The following GDF1 variants were observed in gnomAD, a reference collection of about 807,000 sequenced individuals.
The protein encoded by GDF1 is growth differentiation factor 1, also known as embryonic growth/differentiation factor 1.
GDF1 carries 8 observed loss-of-function variants against 7.4 expected under a neutral mutation model. That is an observed-to-expected ratio of 1.09 (90% CI 0.64 to 1.96). The LOEUF (loss-of-function observed/expected upper bound fraction) is 1.96, where lower values mean the gene tolerates loss of function less well. GDF1 is among the 30% of genes most tolerant of loss of function. GDF1 has a pLI of 0.00. For missense variants in GDF1, 574 were observed against 551.5 expected (o/e 1.04, Z -0.41); for synonymous variants, 311 against 276.7 (o/e 1.12, Z -1.23).
Position 18,868,924 on chromosome 19 carries a change from C to G in GDF1, c.792G>C (p.Gly264=). ...ACAGCCGCCGCGCGCGACAAGCGCC[C>G]CCGGGGCCGCCGCCCAACACGGGTT... The part of the protein sequence containing the change: ...DAEPVLGGGP[G]GACRARRLYV... The change falls in exon 8 of 8, where the codon GGG becomes GGC. Residue 264 remains glycine, a synonymous_variant. Transcript: ENST00000247005. 7.5e-7 allele frequency: 1 copy of G among 1,334,162 alleles called. No individual in the cohort carries two copies. The highest frequency in any genetic ancestry group is 9.7e-7 in the Non-Finnish European group (1 of 1,033,290). 82.6% of individuals were successfully genotyped at this position (1,334,162 alleles called of 1,614,324 possible). A position where few individuals can be genotyped will look rare whatever the true frequency, so the allele number is the denominator to read the frequency against.
rs1304123833 is a variant in GDF1 at position 18,896,138 on chromosome 19, C to T, written c.-1388G>A. 6 of 622,244 alleles carry T rather than the reference C, an allele frequency of 9.6e-6. No individual in the cohort carries two copies. The highest frequency in any genetic ancestry group is 1.4e-4 in the South Asian group (2 of 14,304). The allele number at this position is 622,244 out of a possible 1,614,324, so 38.5% of individuals were successfully genotyped here. On this transcript the variant is annotated 5_prime_UTR_variant, in exon 1 of 8. Transcript: ENST00000247005. The surrounding 1 kb of genome is among the most constrained non-coding windows in gnomAD (Gnocchi z 5.9). Reference sequence around the variant, plus strand: ...CGCGGTAGCCGACGGAGCCGCGCGCCCCGCGTCACGCGCCGCAGCTGGGCC... The same window carrying T: ...CGCGGTAGCCGACGGAGCCGCGCGCTCCGCGTCACGCGCCGCAGCTGGGCC...
At position 18,869,136 on chromosome 19, in the gene GDF1, C is replaced by T; in HGVS notation, c.580G>A (p.Val194Met). The T allele has an allele frequency of 9.0e-7, 1 of 1,105,786 alleles. No individual in the cohort carries two copies. 68.5% of individuals were successfully genotyped at this position (1,105,786 alleles called of 1,614,324 possible). The change falls in exon 8 of 8, where the codon GTG becomes ATG. Residue 194 changes from valine to methionine, a missense_variant. By Grantham distance (21) the Val-to-Met change is conservative (BLOSUM62 1). Coordinates refer to ENST00000247005, the MANE Select transcript of GDF1 (RefSeq NM_001492.6). ...GCGGCGCCCAGCAGCTCCGCGCGCA[C>T]TGGCGGCCCCAGGGCGGGCACCAAC... ...RQLVPALGPP[V>M]RAELLGAAWA...
At chr19:18,879,915 C>G (rs1202962074) in intron 4 of GDF1, among the ~76,000 whole-genome samples, 1 of 151,638 alleles carries the variant, frequency 6.6e-6, no homozygotes, top group Admixed American at 6.6e-5. Flanking sequence ...AGCCCTACCC[C>G]AACCCTGCTT....
intron 2 of GDF1, among the ~76,000 whole-genome samples, chr19:18,885,697 T>C (rs2056338853): frequency 6.6e-6 from 1 of 150,656 alleles, no homozygotes; most frequent in African/African-American, 2.5e-5. Context: ...TTTTTTTTTT[T>C]TTCAGTAGAG....
Position 18,884,164 on chromosome 19 carries a change from G to C in GDF1, c.-810C>G, listed in dbSNP as rs1347831215. ...GCATGACCACCGAGTCCTTGCGCCA[G>C]GTGTCCATGTATAGCGTAGCGTAGA... On this transcript the variant is annotated 5_prime_UTR_variant, in exon 3 of 8. Coordinates refer to ENST00000247005, the MANE Select transcript of GDF1 (RefSeq NM_001492.6). 2 of 1,613,632 alleles carry C rather than the reference G, an allele frequency of 1.2e-6. No individual in the cohort carries two copies. Among genetic ancestry groups the C allele is most frequent in the Non-Finnish European group, 1.7e-6 (2 of 1,179,848 alleles).
At chr19:18,874,694 G>A (rs113900691) in intron 6 of GDF1, among the ~76,000 whole-genome samples, 1 of 152,216 alleles carries the variant, frequency 6.6e-6, no homozygotes, top group African/African-American at 2.4e-5. Flanking sequence ...CGTCAGTGTA[G>A]GAGAGAAGGG....
chr19:18,887,730 G>A (rs1479385489), intron 2 of GDF1, among the ~76,000 whole-genome samples: 2 of 142,988 alleles, frequency 1.4e-5, no homozygotes, highest in Admixed American at 7.5e-5. Context: ...GGCAGCAAGA[G>A]TGAAACTCCA....
chr19:18,879,724 C>T (rs1385910194), intron 4 of GDF1, among the ~76,000 whole-genome samples: 5 of 149,538 alleles, frequency 3.3e-5, no homozygotes, highest in African/African-American at 1.2e-4. Context: ...CCAGTCCCTC[C>T]CCTTTCCTGC....
At chr19:18,876,458 C>T (rs1392839247) in intron 6 of GDF1, among the ~76,000 whole-genome samples, 2 of 152,172 alleles carry the variant, frequency 1.3e-5, no homozygotes, top group Admixed American at 6.6e-5. Context: ...CCTCCCACCT[C>T]AGCCTCCTGA....
At chr19:18,880,714 T>G (rs1253857382) in intron 3 of GDF1, among the ~76,000 whole-genome samples, 1 of 151,904 alleles carries the variant, frequency 6.6e-6, no homozygotes, top group Non-Finnish European at 1.5e-5. Context: ...TTATTTTTCT[T>G]TTGAGACAGG....
Position 18,869,102 on chromosome 19 carries a change from C to G in GDF1, c.614G>C (p.Arg205Pro), listed in dbSNP as rs2055910768. ...RAELLGAAWARNASWPRSLRL... is the reference protein window; with the variant it reads ...RAELLGAAWAPNASWPRSLRL... ...GAGGCTGCGCGGCCATGAGGCGTTG[C>G]GAGCCCAAGCGGCGCCCAGCAGCTC... is the stretch of plus-strand genomic sequence containing the variant. Residue 205 changes from arginine (R) to proline (P), a missense_variant, in exon 8 of 8, where the codon CGC (arginine) becomes CCC (proline). By Grantham distance (103) the Arg-to-Pro change is moderately radical. Coordinates refer to ENST00000247005, the MANE Select transcript of GDF1 (RefSeq NM_001492.6). The G allele has an allele frequency of 2.8e-6, 3 of 1,079,654 alleles. No individual in the cohort carries two copies. The highest frequency in any genetic ancestry group is 3.4e-6 in the Non-Finnish European group (3 of 889,954). The allele number at this position is 1,079,654 out of a possible 1,614,324, so 66.9% of individuals were successfully genotyped here.
chr19:18,893,318 G>T, intron 2 of GDF1, 98 bp downstream of exon 2: 1 of 1,374,174 alleles, frequency 7.3e-7, no homozygotes, highest in Non-Finnish European at 9.8e-7. Flanking sequence ...GGGCTCCAGT[G>T]ATCCTCCTGC....
Position 18,878,236 on chromosome 19 carries a change from A to T in GDF1, c.-313+694T>A. 7.1e-6 allele frequency: 7 copies of T among 985,402 alleles called. No homozygotes were observed. The highest frequency in any genetic ancestry group is 8.4e-6 in the Non-Finnish European group (7 of 830,106). 61.0% of individuals were successfully genotyped at this position (985,402 alleles called of 1,614,324 possible). A position where few individuals can be genotyped will look rare whatever the true frequency, so the allele number is the denominator to read the frequency against. ...ACACTCCTCACGTTGCCTATGAGAC[A>T]CTGCACACCCGACTCTGCTTGTTAC... On this transcript the variant is annotated intron_variant, in intron 6 of 7. Transcript: ENST00000247005. The surrounding 1 kb of genome is among the most constrained non-coding windows in gnomAD (Gnocchi z 4.6).
In GDF1 at chr19:18,884,355, G is replaced by A. The variant is rs2056296641; in HGVS notation, c.-913-88C>T. The A allele has an allele frequency of 1.0e-5, 13 of 1,265,886 alleles. No individual in the cohort carries two copies. In the East Asian group the frequency reaches 1.3e-4, roughly 12 times the overall value. The allele number at this position is 1,265,886 out of a possible 1,614,324, so 78.4% of individuals were successfully genotyped here. A position where few individuals can be genotyped will look rare whatever the true frequency, so the allele number is the denominator to read the frequency against. ...CCCGGTGACACCCTCCAAGCCACAC[G>A]TGTCCTCCCAGTACCCAGGTAACCA... On this transcript the variant is annotated intron_variant, in intron 2 of 7. Transcript: ENST00000247005.
Position 18,868,940 on chromosome 19 carries a change from A to T in GDF1, c.776T>A (p.Leu259Ter). ...ACAAGCGCCCCCGGGGCCGCCGCCC[A>T]ACACGGGTTCGGCGTCGCGCCGCGG... ...ARPRRDAEPV[L>*]GGGPGGACRA... is the part of the protein sequence containing the mutation. Residue 259 changes from leucine to a stop codon, truncating the protein, a stop_gained, in exon 8 of 8, where the codon TTG becomes TAG. Coordinates refer to ENST00000247005, the MANE Select transcript of GDF1 (RefSeq NM_001492.6). LOFTEE classifies it low-confidence loss of function (END_TRUNC). The T allele has an allele frequency of 2.4e-6, 3 of 1,275,714 alleles. No individual in the cohort carries two copies. Among genetic ancestry groups the T allele is most frequent in the Non-Finnish European group, 3.0e-6 (3 of 1,005,070 alleles). The allele number at this position is 1,275,714 out of a possible 1,614,324, so 79.0% of individuals were successfully genotyped here.
In GDF1 at chr19:18,870,489, T is replaced by G; in HGVS notation, c.-182A>C. 1.7e-5 allele frequency: 1 copy of G among 57,664 alleles called. No homozygotes were observed. Among genetic ancestry groups the G allele is most frequent in the Non-Finnish European group, 3.6e-5 (1 of 27,872 alleles). The allele number at this position is 57,664 out of a possible 1,614,324, so 3.6% of individuals were successfully genotyped here. On this transcript the variant is annotated 5_prime_UTR_variant, in exon 7 of 8. Coordinates refer to ENST00000247005, the MANE Select transcript of GDF1 (RefSeq NM_001492.6). This position sits in a 1 kb window ranked among gnomAD's most constrained non-coding sequence, Gnocchi z 5.1. ...GGCGGCGGCCCTAGAGGAGCAGAGT[T>G]GGAGGGGGTGGAGGGGCGGCCAAGG... is the stretch of plus-strand genomic sequence containing the variant.
intron 3 of GDF1, among the ~76,000 whole-genome samples, chr19:18,881,266 C>T (rs1018428480): frequency 2.0e-5 from 3 of 149,924 alleles, no homozygotes; most frequent in African/African-American, 7.4e-5. Flanking sequence ...GTTGCCCAGG[C>T]TGGAGCGCAA....
In GDF1 at chr19:18,895,365, C is replaced by T. The variant is rs2146082065; in HGVS notation, c.-1074+459G>A. 6.6e-6 allele frequency among the ~76,000 whole-genome samples: 1 copy of T among 152,310 alleles called. No homozygotes were observed. Among genetic ancestry groups the T allele is most frequent in the African/African-American group, 2.4e-5 (1 of 41,582 alleles). ...GCAGGGAGGCGCATGGCGCAGGCCG[C>T]GGTGCGCCGAGCCCTCCCGTTCCCG... On this transcript the variant is annotated intron_variant, in intron 1 of 7. Coordinates refer to ENST00000247005, the MANE Select transcript of GDF1 (RefSeq NM_001492.6). This position sits in a 1 kb window ranked among gnomAD's most constrained non-coding sequence, Gnocchi z 6.4.
intron 6 of GDF1, chr19:18,877,998 C>CT: frequency 1.0e-6 from 1 of 985,534 alleles, no homozygotes; most frequent in Non-Finnish European, 1.2e-6. Flanking sequence ...GGTGGGGGGT[C>CT]TGACGCTCCT....
Sources: gnomAD v4.1 joint callset for allele counts (sites outside exome capture counted in the v4.1 genomes callset) on GRCh38, gnomAD v4.1.1 for gene constraint, Gnocchi (gnomAD v3.1) non-coding constraint, MANE v1.5 for transcripts, NCBI Gene and HGNC (gene_info 2026-07-23, HGNC 2026-07-21) for gene names.